Variants in CD200R1 observed in about 807,000 individuals in gnomAD.
CD200R1 encodes CD200 receptor 1, also known as cell surface glycoprotein CD200 receptor 1.
CD200R1 carries 30 observed loss-of-function variants against 38.1 expected under a neutral mutation model. The observed-to-expected ratio is 0.79, with a 90% CI of 0.59 to 1.07. The LOEUF (loss-of-function observed/expected upper bound fraction) is 1.07, where lower values mean the gene tolerates loss of function less well. Ranked by LOEUF, CD200R1 falls within the 50% of genes least tolerant of loss-of-function variation. The pLI, the probability that CD200R1 is intolerant of heterozygous loss-of-function variation, is 0.00. For missense variants in CD200R1, 372 were observed against 415.4 expected (o/e 0.90, Z 0.91); for synonymous variants, 128 against 152.1 (o/e 0.84, Z 1.16).
chr3:112,946,414 A>T (rs1940861923), intron 2 of CD200R1, among the ~76,000 whole-genome samples: 1 of 152,208 alleles, frequency 6.6e-6, no homozygotes. Context: ...CAAAAGACAT[A>T]TCCGATAAAA....
At chr3:112,973,231 T>G (rs1439324488) in intron 1 of CD200R1, among the ~76,000 whole-genome samples, 1 of 152,224 alleles carries the variant, frequency 6.6e-6, no homozygotes, top group East Asian at 1.9e-4. Context: ...CCTACACAAG[T>G]TGCTATAAGA....
chr3:112,964,653 G>T (rs1933111736), intron 1 of CD200R1, among the ~76,000 whole-genome samples: 1 of 152,154 alleles, frequency 6.6e-6, no homozygotes, highest in African/African-American at 2.4e-5. Context: ...AGGCTCATAG[G>T]CAGAAGAGAC....
In CD200R1 at chr3:112,923,492, T is replaced by TA. The variant is rs1940215883; in HGVS notation, c.*184dup. On this transcript the variant is annotated 3_prime_UTR_variant, in exon 8 of 8. Coordinates refer to ENST00000308611, the MANE Select transcript of CD200R1 (RefSeq NM_138806.4). ...ATCAGTTCTTCAGAGAACTAGCTGG[T>TA]AGCAGCTAAGAATCAAAAATTCCAA... is the stretch of plus-strand genomic sequence containing the variant. 2.5e-6 allele frequency: 1 copy of TA among 404,628 alleles called. No homozygotes were observed. The highest frequency in any genetic ancestry group is 2.1e-5 in the African/African-American group (1 of 47,564). The allele number at this position is 404,628 out of a possible 1,614,324, so 25.1% of individuals were successfully genotyped here.
intron 1 of CD200R1, among the ~76,000 whole-genome samples, chr3:112,956,813 G>T (rs13066400): frequency 0.041 from 6,222 of 152,270 alleles, 165 homozygotes; most frequent in Middle Eastern, 0.088. Flanking sequence ...TTGGTTTAGT[G>T]TTGGAATGCA....
At chr3:112,935,055 T>C (rs996962422) in intron 2 of CD200R1, among the ~76,000 whole-genome samples, 12 of 152,118 alleles carry the variant, frequency 7.9e-5, no homozygotes, top group Admixed American at 3.3e-4. Flanking sequence ...CAATTGGAAA[T>C]ATATATGGAC....
In CD200R1 at chr3:112,923,635, T is replaced by C. The variant is rs186950189; in HGVS notation, c.*42A>G. The C allele has an allele frequency of 2.1e-4, 200 of 944,196 alleles. No homozygotes were observed. In the East Asian group the frequency reaches 4.4e-3, roughly 21 times the overall value. 58.5% of individuals were successfully genotyped at this position (944,196 alleles called of 1,614,324 possible). On this transcript the variant is annotated 3_prime_UTR_variant, in exon 8 of 8. Coordinates refer to ENST00000308611, the MANE Select transcript of CD200R1 (RefSeq NM_138806.4). The stretch of plus-strand genomic sequence containing the variant: ...AGAAAATCAGACAGTAATTATAATG[T>C]ATCTCGTTTGTTGTTGTTTCTTGGT...
At chr3:112,958,141 T>C (rs1043004252) in intron 1 of CD200R1, among the ~76,000 whole-genome samples, 29 of 152,114 alleles carry the variant, frequency 1.9e-4, no homozygotes, top group African/African-American at 7.0e-4. Context: ...ACTGTATTTA[T>C]CTAAGAGAAA....
At chr3:112,950,373 C>G (rs1269497667) in intron 1 of CD200R1, among the ~76,000 whole-genome samples, 1 of 150,766 alleles carries the variant, frequency 6.6e-6, no homozygotes, top group South Asian at 2.1e-4. Flanking sequence ...TGCACTCCAG[C>G]CTGGGTGACA....
intron 2 of CD200R1, among the ~76,000 whole-genome samples, chr3:112,938,556 A>T (rs552758649): frequency 6.6e-6 from 1 of 152,190 alleles, no homozygotes; most frequent in South Asian, 2.1e-4. Context: ...CTTTAAACCA[A>T]CAAGAAATGG....
chr3:112,957,538 T>C (rs1200522144), intron 1 of CD200R1, among the ~76,000 whole-genome samples: 1 of 152,126 alleles, frequency 6.6e-6, no homozygotes, highest in African/African-American at 2.4e-5. Context: ...AAAACTGTAA[T>C]ACCCCTAGAA....
chr3:112,971,508 C>A (rs1933309113), intron 1 of CD200R1, among the ~76,000 whole-genome samples: 3 of 152,048 alleles, frequency 2.0e-5, no homozygotes, highest in Admixed American at 1.3e-4. Context: ...TATACCTCAG[C>A]GGCATCACAG....
chr3:112,946,451 A>C (rs7646849), intron 2 of CD200R1, among the ~76,000 whole-genome samples: 94,881 of 152,038 alleles, frequency 0.62, 30,356 homozygotes, highest in African/African-American at 0.77. Context: ...ACACAAAGGA[A>C]CCTTAAAACT....
chr3:112,932,706 G>T lies in CD200R1; in HGVS notation c.137-1535C>A, dbSNP rs148196944. On this transcript the variant is annotated intron_variant, in intron 2 of 7. Coordinates refer to ENST00000308611, the MANE Select transcript of CD200R1 (RefSeq NM_138806.4). The stretch of plus-strand genomic sequence containing the variant: ...GTCGCTCCCAGAGGACACATCCCCA[G>T]ACCTACATATCAGTTCCATACCCAC... Among the ~76,000 whole-genome samples the T allele has an allele frequency of 4.1e-3, 627 of 152,144 alleles. 4 individuals carry two copies. The highest frequency in any genetic ancestry group is 0.014 in the African/African-American group (595 of 41,502).
Position 112,951,056 on chromosome 3 carries a change from T to C in CD200R1, c.68-3132A>G, listed in dbSNP as rs139036746. 3.1e-3 allele frequency among the ~76,000 whole-genome samples: 471 copies of C among 151,514 alleles called. 2 individuals are homozygous for C. Among genetic ancestry groups the C allele is most frequent in the African/African-American group, 0.011 (441 of 41,324 alleles). On this transcript the variant is annotated intron_variant, in intron 1 of 7. Coordinates refer to ENST00000308611, the MANE Select transcript of CD200R1 (RefSeq NM_138806.4). ...AATCAATAAAAGAGGAAACAAGCAA[T>C]GCAAAAAATTAAGGAAATCAAAAGC...
At chr3:112,943,510 C>T (rs938876718) in intron 2 of CD200R1, among the ~76,000 whole-genome samples, 3 of 151,676 alleles carry the variant, frequency 2.0e-5, no homozygotes, top group Non-Finnish European at 4.4e-5. Context: ...GCATTGAATG[C>T]ACATATTAGA....
At chr3:112,971,619 C>T (rs1933311816) in intron 1 of CD200R1, among the ~76,000 whole-genome samples, 1 of 152,100 alleles carries the variant, frequency 6.6e-6, no homozygotes. Flanking sequence ...ACACTGTTAC[C>T]ACATTATTCT....
At position 112,922,414 on chromosome 3, in the gene CD200R1, C is replaced by T. The variant is rs1291269546; in HGVS notation, c.*1263G>A. On this transcript the variant is annotated 3_prime_UTR_variant, in exon 8 of 8. Coordinates refer to ENST00000308611, the MANE Select transcript of CD200R1 (RefSeq NM_138806.4). ...ATATGGAGGGGAGGGTCATGCCATC[C>T]CATGGCCACTTGCTTATTATGTAGC... The T allele has an allele frequency of 6.6e-6, 1 of 151,882 alleles. No homozygotes were observed. Among genetic ancestry groups the T allele is most frequent in the African/African-American group, 2.4e-5 (1 of 41,374 alleles). 9.4% of individuals were successfully genotyped at this position (151,882 alleles called of 1,614,324 possible).
At chr3:112,956,627 G>C (rs1447187390) in intron 1 of CD200R1, among the ~76,000 whole-genome samples, 1 of 152,066 alleles carries the variant, frequency 6.6e-6, no homozygotes, top group Non-Finnish European at 1.5e-5. Flanking sequence ...GAAGAAGTAG[G>C]CACTTCATAG....
chr3:112,961,913 C>T (rs536784760), intron 1 of CD200R1, among the ~76,000 whole-genome samples: 2 of 152,144 alleles, frequency 1.3e-5, no homozygotes, highest in African/African-American at 4.8e-5. Context: ...TATAATTCTA[C>T]TCTTTAGGTA....
Sources: gnomAD v4.1 joint callset for allele counts (sites outside exome capture counted in the v4.1 genomes callset) on GRCh38, gnomAD v4.1.1 for gene constraint, MANE v1.5 for transcripts, NCBI Gene and HGNC (gene_info 2026-07-23, HGNC 2026-07-21) for gene names.